Variants in TBC1D10A observed in about 807,000 individuals in gnomAD.
TBC1D10A encodes EBP50-PDX interactor of 64 kDa.
A neutral mutation model predicts 52.9 loss-of-function variants in TBC1D10A; 24 were observed. The observed-to-expected ratio is 0.45, with a 90% confidence interval of 0.33 to 0.64. The LOEUF is 0.64. TBC1D10A is among the 30% of genes least tolerant of loss of function. The pLI, the probability that TBC1D10A is intolerant of heterozygous loss-of-function variation, is 0.02. For synonymous variants in TBC1D10A, 278 were observed against 282.9 expected (o/e 0.98, Z 0.17); for missense variants, 602 against 687.9 (o/e 0.88, Z 1.40).
chr22:30,297,847 C>A lies in TBC1D10A; in HGVS notation c.417+1597G>T, dbSNP rs1056826397. ...CACTGTGCCCTGCCTCGGCACAGGA[C>A]CCGCAGCAACCAGGGGAAGCTCCTC... On this transcript the variant is annotated intron_variant, in intron 3 of 8. Transcript: ENST00000215790. The surrounding 1 kb of genome is among the most constrained non-coding windows in gnomAD (Gnocchi z 4.3). 2 of 149,118 alleles carry A rather than the reference C, an allele frequency of 1.3e-5. No individual in the cohort carries two copies. The highest frequency in any genetic ancestry group is 3.0e-5 in the Non-Finnish European group (2 of 66,632). 9.2% of individuals were successfully genotyped at this position (149,118 alleles called of 1,614,324 possible).
intron 2 of TBC1D10A, among the ~76,000 whole-genome samples, chr22:30,303,521 G>A (rs981943975): frequency 7.2e-5 from 11 of 152,338 alleles, no homozygotes; most frequent in African/African-American, 2.2e-4. Context: ...CTGAGAGGGT[G>A]AAGTGACTTG....
At chr22:30,307,653 C>CTACAACAATAATA (rs1184076660) in intron 1 of TBC1D10A, 8 of 152,160 alleles carry the variant, frequency 5.3e-5, no homozygotes, top group Non-Finnish European at 1.0e-4. Flanking sequence ...CATTAAAAAC[C>CTACAACAATAATA]ATCACTACAA....
chr22:30,295,088 G>A (rs767083861), intron 4 of TBC1D10A, 33 bp from the exon 5 acceptor site: 33 of 1,604,118 alleles, frequency 2.1e-5, no homozygotes, highest in African/African-American at 1.7e-4. Context: ...AGTGATGACC[G>A]GGGTGACTCT....
chr22:30,320,973 G>A (rs905175092), intron 1 of TBC1D10A, among the ~76,000 whole-genome samples: 3 of 152,216 alleles, frequency 2.0e-5, no homozygotes, highest in Non-Finnish European at 2.9e-5. Flanking sequence ...CAGATTGGGT[G>A]GCTGGGCCAC....
Position 30,293,914 on chromosome 22 carries a change from C to T in TBC1D10A, c.895+7G>A. 6.2e-7 allele frequency: 1 copy of T among 1,612,022 alleles called. No individual in the cohort carries two copies. The highest frequency in any genetic ancestry group is 1.7e-5 in the Admixed American group (1 of 59,998). On this transcript the variant is annotated splice_region_variant and intron_variant, in intron 7 of 8. Coordinates refer to ENST00000215790, the MANE Select transcript of TBC1D10A (RefSeq NM_031937.3). ...CAGGGGTGCTCCCCCCAAGCCCAGC[C>T]CAGTACCTTCACAGAAGAACATGTC... is the stretch of plus-strand genomic sequence containing the variant.
intron 1 of TBC1D10A, among the ~76,000 whole-genome samples, chr22:30,315,324 A>G (rs957211918): frequency 2.6e-5 from 4 of 152,228 alleles, no homozygotes; most frequent in Non-Finnish European, 5.9e-5. Flanking sequence ...TGTTCCACAG[A>G]GCCCTTACTT....
At chr22:30,316,992 T>C (rs977417577) in intron 1 of TBC1D10A, among the ~76,000 whole-genome samples, 10 of 151,688 alleles carry the variant, frequency 6.6e-5, no homozygotes, top group African/African-American at 1.9e-4. Context: ...TGAGCTGTGA[T>C]TGCACCACTG....
chr22:30,313,471 C>A (rs972381334), intron 1 of TBC1D10A, among the ~76,000 whole-genome samples: 13 of 151,384 alleles, frequency 8.6e-5, no homozygotes, highest in Admixed American at 8.6e-4. Flanking sequence ...GCAACCTCCG[C>A]CTCCCGGGTT....
rs1421540553 is a variant in TBC1D10A at position 30,292,748 on chromosome 22, G to C, written c.1154C>G (p.Pro385Arg). The change falls in exon 9 of 9, where the codon CCC (proline) becomes CGC (arginine). Residue 385 changes from proline to arginine, a missense_variant. By Grantham distance (103) the Pro-to-Arg change is moderately radical (BLOSUM62 -2). Coordinates refer to ENST00000215790, the MANE Select transcript of TBC1D10A (RefSeq NM_031937.3). ...GATAGCCTTGGCACCATGCAGCCTG[G>C]GCGGGGAGCGGCACTGCAGCTCACC... ...TRGELQCRSP[P>R]RLHGAKAILD... 6.2e-7 allele frequency: 1 copy of C among 1,611,906 alleles called. No individual in the cohort carries two copies. Among genetic ancestry groups the C allele is most frequent in the Admixed American group, 1.7e-5 (1 of 59,862 alleles).
chr22:30,326,446 T>A (rs1930775629), intron 1 of TBC1D10A, among the ~76,000 whole-genome samples: 1 of 125,894 alleles, frequency 7.9e-6, no homozygotes, highest in Admixed American at 8.3e-5. Context: ...AGGGTGGAGG[T>A]GGCGGGTGGA....
At chr22:30,316,380 T>G (rs1039032273) in intron 1 of TBC1D10A, among the ~76,000 whole-genome samples, 6 of 152,106 alleles carry the variant, frequency 3.9e-5, no homozygotes, top group African/African-American at 1.4e-4. Flanking sequence ...AGCAGTGGTT[T>G]CTGTGGCATG....
chr22:30,320,198 A>G (rs1319801429), intron 1 of TBC1D10A, among the ~76,000 whole-genome samples: 5 of 152,232 alleles, frequency 3.3e-5, no homozygotes, highest in Admixed American at 6.5e-5. Flanking sequence ...GTCAAGACCA[A>G]TGCAATCCGG....
intron 1 of TBC1D10A, among the ~76,000 whole-genome samples, chr22:30,319,001 C>T (rs1464371514): frequency 2.0e-5 from 3 of 152,164 alleles, no homozygotes; most frequent in African/African-American, 4.8e-5. Flanking sequence ...CCCTAACCTA[C>T]CCTTGCTTCG....
rs150083620 is a variant in TBC1D10A, at chr22:30,292,671, G to A, written c.1231C>T (p.Arg411Cys). 8 of 1,609,222 alleles carry A rather than the reference G, an allele frequency of 5.0e-6. No individual in the cohort carries two copies. The Admixed American group carries it at 8.4e-5, about 17-fold the overall frequency. The stretch of plus-strand genomic sequence containing the variant: ...GGGAGGGGGGCATCTAGGGGCAGGC[G>A]GATGGATGGTGAAGGTTGTAGGGCA... Reference protein sequence around the residue: ...RPALQPSPSIRLPLDAPLPGS... With the variant: ...RPALQPSPSICLPLDAPLPGS... Residue 411 changes from arginine (R) to cysteine (C), a missense_variant, in exon 9 of 9, where the codon CGC (arginine) becomes TGC (cysteine). Transcript: ENST00000215790.
At chr22:30,298,867 C>G (rs955759719) in intron 3 of TBC1D10A, 1 of 152,674 alleles carries the variant, frequency 6.5e-6, no homozygotes, top group African/African-American at 2.4e-5. Flanking sequence ...GGCGTCTGAC[C>G]CCTTGAGCTA....
In TBC1D10A at chr22:30,297,017, A is replaced by G. The variant is rs1930094727; in HGVS notation, c.418-1174T>C. 1 of 152,246 alleles carries G rather than the reference A, an allele frequency of 6.6e-6. No homozygotes were observed. The highest frequency in any genetic ancestry group is 2.1e-4 in the South Asian group (1 of 4,828). 9.4% of individuals were successfully genotyped at this position (152,246 alleles called of 1,614,324 possible). The stretch of plus-strand genomic sequence containing the variant: ...GGCCAGGTCCTCAGCAAACATACCC[A>G]GTGGGCGCAGACACAGGCCCTGCCC... On this transcript the variant is annotated intron_variant, in intron 3 of 8. Coordinates refer to ENST00000215790, the MANE Select transcript of TBC1D10A (RefSeq NM_031937.3). The surrounding 1 kb of genome is among the most constrained non-coding windows in gnomAD (Gnocchi z 4.3).
At chr22:30,316,887 A>C (rs12169368) in intron 1 of TBC1D10A, among the ~76,000 whole-genome samples, 6,012 of 152,058 alleles carry the variant, frequency 0.04, 345 homozygotes, top group African/African-American at 0.13. Flanking sequence ...AAAAGTAAAA[A>C]AAGTAGCCAG....
intron 6 of TBC1D10A, among the ~76,000 whole-genome samples, 166 bp downstream of exon 6, chr22:30,294,630 T>C (rs561270442): frequency 4.6e-5 from 7 of 152,258 alleles, no homozygotes; most frequent in African/African-American, 1.2e-4. Context: ...AGGGATAACA[T>C]TGTAACCCAG....
At chr22:30,316,465 T>TG (rs1414606557) in intron 1 of TBC1D10A, among the ~76,000 whole-genome samples, 6 of 151,718 alleles carry the variant, frequency 4.0e-5, no homozygotes, top group Admixed American at 6.6e-5. Context: ...GTTTTTGTTT[T>TG]TTTTTTTTTG....
Sources: gnomAD v4.1 joint callset for allele counts (sites outside exome capture counted in the v4.1 genomes callset) on GRCh38, gnomAD v4.1.1 for gene constraint, Gnocchi (gnomAD v3.1) non-coding constraint, MANE v1.5 for transcripts, NCBI Gene and HGNC (gene_info 2026-07-23, HGNC 2026-07-21) for gene names.